The following THSD4 variants were observed in gnomAD, a reference collection of about 807,000 sequenced individuals.
The protein encoded by THSD4 is thrombospondin type-1 domain-containing protein 4.
A neutral mutation model predicts 119.0 loss-of-function variants in THSD4; 69 were observed. That is an observed-to-expected ratio of 0.58 (90% CI 0.48 to 0.71). The LOEUF (loss-of-function observed/expected upper bound fraction) is 0.71. Among genes scored for constraint, THSD4 ranks in the 30% least tolerant of loss-of-function variants. The probability of loss-of-function intolerance (pLI) is 0.00; values close to 1 mark genes in which losing one functional copy is unlikely to be tolerated. For synonymous variants in THSD4, 524 were observed against 540.4 expected, an observed-to-expected ratio of 0.97 and a Z score of 0.42; for missense variants, 1,393 against 1,391.1, an observed-to-expected ratio of 1.00 and a Z score of -0.02.
chr15:71,354,285 T>C (rs1490529587), intron 6 of THSD4, among the ~76,000 whole-genome samples: 14 of 152,168 alleles, frequency 9.2e-5, no homozygotes, highest in Admixed American at 9.2e-4. Flanking sequence ...AGACCTTGTG[T>C]TTCTATAAAG....
chr15:71,267,139 G>T (rs2044473683), intron 6 of THSD4, among the ~76,000 whole-genome samples: 2 of 152,126 alleles, frequency 1.3e-5, no homozygotes, highest in Non-Finnish European at 2.9e-5. Context: ...CTCGAGAAGA[G>T]CAACCCCAAG....
At chr15:71,465,009 T>G (rs2140624720) in intron 7 of THSD4, among the ~76,000 whole-genome samples, 1 of 152,300 alleles carries the variant, frequency 6.6e-6, no homozygotes, top group Middle Eastern at 3.4e-3. Context: ...TTGAGTCAAA[T>G]TTGTCTTGTG....
At chr15:71,104,282 A>C (rs2040265101) in intron 1 of THSD4, among the ~76,000 whole-genome samples, 1 of 149,002 alleles carries the variant, frequency 6.7e-6, no homozygotes, top group African/African-American at 2.5e-5. Flanking sequence ...GGCCGGAAAG[A>C]ATTAGGCAAT....
At chr15:71,186,749 A>C (rs2043608731) in intron 3 of THSD4, 1 of 152,222 alleles carries the variant, frequency 6.6e-6, no homozygotes, top group South Asian at 2.1e-4. Context: ...TAAACTGTAA[A>C]ATGGGGATAC....
At chr15:71,357,504 G>A (rs1447254329) in intron 6 of THSD4, among the ~76,000 whole-genome samples, 2 of 152,222 alleles carry the variant, frequency 1.3e-5, no homozygotes, top group Non-Finnish European at 2.9e-5. Context: ...GCAGCCAAGA[G>A]CCATGGGTGC....
chr15:71,698,316 T>C (rs548919174), intron 8 of THSD4, among the ~76,000 whole-genome samples: 23 of 152,068 alleles, frequency 1.5e-4, no homozygotes, highest in Admixed American at 5.9e-4. Flanking sequence ...AGAGTGGCCG[T>C]TATCAAACAA....
chr15:71,577,069 GTATAT>G (rs2049460840), intron 7 of THSD4, among the ~76,000 whole-genome samples: 1 of 145,744 alleles, frequency 6.9e-6, no homozygotes, highest in South Asian at 2.2e-4. Context: ...TGTCTCCAGA[GTATAT>G]TACATGATTG....
At chr15:71,641,001 ACAC>A (rs1322747604) in intron 7 of THSD4, among the ~76,000 whole-genome samples, 8 of 152,048 alleles carry the variant, frequency 5.3e-5, no homozygotes, top group African/African-American at 1.9e-4. Context: ...ACACACACAC[ACAC>A]ACACACACAC....
chr15:71,697,279 A>G (rs1289480518), intron 8 of THSD4, among the ~76,000 whole-genome samples: 2 of 152,178 alleles, frequency 1.3e-5, no homozygotes, highest in African/African-American at 2.4e-5. Flanking sequence ...GATGTAATGG[A>G]AAGGGGGATG....
chr15:71,350,285 G>A (rs1242372255), intron 6 of THSD4, among the ~76,000 whole-genome samples: 4 of 151,964 alleles, frequency 2.6e-5, no homozygotes, highest in African/African-American at 4.8e-5. Context: ...ATGCTTTTCA[G>A]CATATAACAA....
At chr15:71,777,031 A>G (rs2053925672) in intron 17 of THSD4, among the ~76,000 whole-genome samples, 1 of 152,206 alleles carries the variant, frequency 6.6e-6, no homozygotes, top group Non-Finnish European at 1.5e-5. Context: ...CAGATGAGTA[A>G]CTTATTCTCT....
chr15:71,651,038 A>T (rs1206998608), intron 7 of THSD4, among the ~76,000 whole-genome samples: 1 of 152,218 alleles, frequency 6.6e-6, no homozygotes, highest in African/African-American at 2.4e-5. Context: ...TTATAACTAA[A>T]TTCGATGAAT....
At chr15:71,118,219 A>G (rs1474152842) in intron 1 of THSD4, among the ~76,000 whole-genome samples, 1 of 152,098 alleles carries the variant, frequency 6.6e-6, no homozygotes, top group East Asian at 1.9e-4. Context: ...GGCATTTAAA[A>G]TGTTTCCTAA....
At chr15:71,695,507 T>TGTGC (rs1286261191) in intron 8 of THSD4, among the ~76,000 whole-genome samples, 6 of 149,242 alleles carry the variant, frequency 4.0e-5, no homozygotes, top group Admixed American at 6.7e-5. Context: ...TGTGCATGTG[T>TGTGC]GTGTGTGTGT....
intron 14 of THSD4, 63 bp downstream of exon 14, chr15:71,748,657 C>G (rs1427270747): frequency 1.9e-6 from 3 of 1,571,488 alleles, no homozygotes; most frequent in Non-Finnish European, 2.6e-6. Flanking sequence ...CAAAACCACA[C>G]AAAGATGAGT....
rs1225373974 is a variant in THSD4 at position 71,154,790 on chromosome 15, G to A, written c.30-73G>A. 1.3e-5 allele frequency: 19 copies of A among 1,474,492 alleles called. No homozygotes were observed. In the African/African-American group the frequency reaches 1.4e-4, roughly 11 times the overall value. The allele number at this position is 1,474,492 out of a possible 1,614,324, so 91.3% of individuals were successfully genotyped here. On this transcript the variant is annotated intron_variant, in intron 2 of 17. Transcript: ENST00000261862. ...CCCCCCCATCCACTGATGAGATGGCGATGCTGCCTTCCCTGGGTGCTGCTG... is the reference window on the plus strand; with the variant it reads ...CCCCCCCATCCACTGATGAGATGGCAATGCTGCCTTCCCTGGGTGCTGCTG...
chr15:71,320,695 C>T lies in THSD4; in HGVS notation c.1015+63980C>T, dbSNP rs150978789. Among the ~76,000 whole-genome samples, 491 of 152,294 alleles carry T rather than the reference C, an allele frequency of 3.2e-3. 2 individuals carry two copies. Among genetic ancestry groups the T allele is most frequent in the Non-Finnish European group, 5.4e-3 (370 of 68,010 alleles). On this transcript the variant is annotated intron_variant, in intron 6 of 17. Coordinates refer to ENST00000261862, the MANE Select transcript of THSD4 (RefSeq NM_024817.3). ...AAAGCTTTTTCAAAAATGTGGGACT[C>T]GCACTGCTTGTCCCTTGATTTTAGT... is the stretch of plus-strand genomic sequence containing the variant.
At chr15:71,642,864 T>C (rs1000767894) in intron 7 of THSD4, among the ~76,000 whole-genome samples, 2 of 152,100 alleles carry the variant, frequency 1.3e-5, no homozygotes, top group Admixed American at 6.5e-5. Flanking sequence ...GACGAGTTAA[T>C]GGGTGCAGCA....
intron 17 of THSD4, among the ~76,000 whole-genome samples, chr15:71,773,088 C>A (rs139953682): frequency 6.7e-6 from 1 of 150,328 alleles, no homozygotes; most frequent in African/African-American, 2.5e-5. Context: ...ATGGTCCCGG[C>A]TAATTAGGAA....
Sources: allele counts gnomAD v4.1 joint callset (sites outside exome capture counted in the v4.1 genomes callset), GRCh38; gene constraint gnomAD v4.1.1; transcripts MANE v1.5; gene names NCBI Gene and HGNC (gene_info 2026-07-23, HGNC 2026-07-21).